The following TENM2 variants were observed in gnomAD, a reference collection of about 807,000 sequenced individuals.
TENM2 encodes the protein teneurin-2.
Under a neutral mutation model 245.2 loss-of-function variants are expected in TENM2, and 52 were observed. The observed-to-expected ratio is 0.21, with a 90% CI of 0.17 to 0.27. The LOEUF is 0.27. TENM2 is among the 10% of genes least tolerant of loss of function. The pLI, the probability that TENM2 is intolerant of heterozygous loss-of-function variation, is 1.00. For synonymous variants in TENM2, 1,363 were observed against 1,438.9 expected, an observed-to-expected ratio of 0.95 and a Z score of 1.19; for missense variants, 3,046 against 3,666.8, an observed-to-expected ratio of 0.83 and a Z score of 4.37.
At chr5:167,350,720 GATAT>G (rs1254658012) in intron 1 of TENM2, among the ~76,000 whole-genome samples, 2 of 137,024 alleles carry the variant, frequency 1.5e-5, no homozygotes, top group Admixed American at 7.7e-5. Context: ...ATATATATGG[GATAT>G]ATACATATGG....
At chr5:167,048,110 G>T in the TENM2 span, among the ~76,000 whole-genome samples, 16 of 152,230 alleles carry the variant, frequency 1.1e-4, no homozygotes, top group African/African-American at 3.9e-4. Flanking sequence ...AATTTAATCT[G>T]TACTCATGAA....
Position 167,980,801 on chromosome 5 carries a change from A to G in TENM2, c.948-12143A>G, listed in dbSNP as rs1782778827. Among the ~76,000 whole-genome samples the G allele has an allele frequency of 3.9e-5, 6 of 152,180 alleles. No individual in the cohort carries two copies. In the South Asian group the frequency reaches 1.2e-3, roughly 32 times the overall value. Reference sequence around the variant, plus strand: ...GATGTAGAGGTGTGAGTGGTAAGAAAAGGAAGGGGATGTGTTGGAGGCAAA... The same window carrying G: ...GATGTAGAGGTGTGAGTGGTAAGAAGAGGAAGGGGATGTGTTGGAGGCAAA... On this transcript the variant is annotated intron_variant, in intron 4 of 28. Coordinates refer to ENST00000518659, the Ensembl canonical transcript of TENM2.
rs1561886712 is a variant in TENM2 at position 167,353,539 on chromosome 5, GCT to G, written c.227-21656_227-21655del. 3.8e-5 allele frequency among the ~76,000 whole-genome samples: 4 copies of G among 106,300 alleles called. No individual in the cohort carries two copies. The South Asian group carries it at 1.0e-3, about 28-fold the overall frequency. The allele number at this position is 106,300 out of a possible 152,430, so 69.7% of individuals were successfully genotyped here. On this transcript the variant is annotated intron_variant, in intron 1 of 28. Coordinates refer to ENST00000518659, the Ensembl canonical transcript of TENM2. ...TTTTTTTTTTTTGAGACGGAGTCTC[GCT>G]CTGTCGCCCAGGCTGGAGTGCAGTG...
intron 2 of TENM2, among the ~76,000 whole-genome samples, chr5:167,389,073 T>C (rs1252165209): frequency 6.6e-6 from 1 of 152,012 alleles, no homozygotes; most frequent in Non-Finnish European, 1.5e-5. Flanking sequence ...CTACCAGTTT[T>C]TCACTTTAAT....
At chr5:167,652,095 TA>T (rs1470323544) in intron 2 of TENM2, among the ~76,000 whole-genome samples, 1 of 152,184 alleles carries the variant, frequency 6.6e-6, no homozygotes, top group Non-Finnish European at 1.5e-5. Flanking sequence ...TTCTTAATGG[TA>T]GGGTTTTCTT....
intron 2 of TENM2, among the ~76,000 whole-genome samples, chr5:167,486,397 C>T (rs1239121777): frequency 1.3e-5 from 2 of 150,656 alleles, no homozygotes; most frequent in African/African-American, 4.9e-5. Context: ...GGCGCCATCT[C>T]GGCTTGCTGC....
At chr5:167,554,723 G>A (rs929326053) in intron 2 of TENM2, among the ~76,000 whole-genome samples, 1 of 152,178 alleles carries the variant, frequency 6.6e-6, no homozygotes, top group African/African-American at 2.4e-5. Flanking sequence ...CTGGAATTCA[G>A]ACCCAACCAG....
chr5:167,463,602 G>A (rs575150583), intron 2 of TENM2, among the ~76,000 whole-genome samples: 5 of 151,958 alleles, frequency 3.3e-5, no homozygotes, highest in East Asian at 1.9e-4. Context: ...GGGTTCAAGC[G>A]ATTCTCCTGC....
At chr5:167,222,551 A>G in the TENM2 span, among the ~76,000 whole-genome samples, 1 of 152,202 alleles carries the variant, frequency 6.6e-6, no homozygotes, top group Non-Finnish European at 1.5e-5. Context: ...TGCCTATCAC[A>G]GCTAATAGTT....
intron 2 of TENM2, among the ~76,000 whole-genome samples, chr5:167,502,145 T>C (rs1440809063): frequency 6.6e-6 from 1 of 152,166 alleles, no homozygotes; most frequent in African/African-American, 2.4e-5. Flanking sequence ...ATACATATAT[T>C]TACTCAAGAC....
At chr5:168,191,199 G>A (rs1760921903) in intron 14 of TENM2, among the ~76,000 whole-genome samples, 1 of 152,162 alleles carries the variant, frequency 6.6e-6, no homozygotes, top group Non-Finnish European at 1.5e-5. Flanking sequence ...ATATTCTAGG[G>A]TCAAGTTCTA....
At chr5:167,702,553 T>TATATATATATATATATACATAC (rs1554102840) in intron 2 of TENM2, among the ~76,000 whole-genome samples, 1 of 63,592 alleles carries the variant, frequency 1.6e-5, no homozygotes, top group African/African-American at 9.5e-5. Context: ...TGTGTGTGTG[T>TATATATATATATATATACATAC]ATATATATAT....
chr5:167,705,609 C>T (rs1758451663), intron 2 of TENM2, among the ~76,000 whole-genome samples: 1 of 152,110 alleles, frequency 6.6e-6, no homozygotes, highest in South Asian at 2.1e-4. Context: ...ATTATCATAA[C>T]ACTCAATTAG....
chr5:167,858,799 C>A (rs1400182856), intron 2 of TENM2, among the ~76,000 whole-genome samples: 1 of 149,890 alleles, frequency 6.7e-6, no homozygotes, highest in African/African-American at 2.4e-5. Context: ...GTCTTTGCCG[C>A]CGCGCCGGCG....
the TENM2 span, among the ~76,000 whole-genome samples, chr5:167,241,596 CAA>C: frequency 1.3e-5 from 2 of 152,114 alleles, no homozygotes; most frequent in Admixed American, 6.5e-5. Flanking sequence ...TAACACGACT[CAA>C]GAGAAGGGTG....
chr5:167,326,915 G>T (rs890377837), intron 1 of TENM2, among the ~76,000 whole-genome samples: 1 of 151,698 alleles, frequency 6.6e-6, no homozygotes, highest in Non-Finnish European at 1.5e-5. Context: ...AGAGAAAGAA[G>T]CTATATATAA....
chr5:167,206,673 T>C, the TENM2 span, among the ~76,000 whole-genome samples: 1 of 152,198 alleles, frequency 6.6e-6, no homozygotes, highest in African/African-American at 2.4e-5. Context: ...AAATATATTT[T>C]ATTTTTAACT....
intron 1 of TENM2, among the ~76,000 whole-genome samples, chr5:167,370,369 A>G (rs1294133778): frequency 6.8e-6 from 1 of 147,534 alleles, no homozygotes; most frequent in African/African-American, 2.5e-5. Flanking sequence ...AAAAAAAAAA[A>G]AAGACGTGGA....
At chr5:167,098,866 G>T in the TENM2 span, among the ~76,000 whole-genome samples, 2 of 152,146 alleles carry the variant, frequency 1.3e-5, no homozygotes, top group African/African-American at 4.8e-5. Flanking sequence ...CCCTAACCTA[G>T]TCTCTTTGCG....
Sources: gnomAD v4.1 joint callset for allele counts (sites outside exome capture counted in the v4.1 genomes callset) on GRCh38, gnomAD v4.1.1 for gene constraint, MANE v1.5 for transcripts, NCBI Gene and HGNC (gene_info 2026-07-23, HGNC 2026-07-21) for gene names.